The following DYNC2H1 variants were observed in gnomAD, a reference collection of about 807,000 sequenced individuals.
DYNC2H1 encodes cytoplasmic dynein 2 heavy chain 1.
Under a neutral mutation model 570.0 loss-of-function variants are expected in DYNC2H1, and 410 were observed. The observed-to-expected ratio is 0.72, with a 90% confidence interval of 0.66 to 0.78. The LOEUF (loss-of-function observed/expected upper bound fraction) is 0.78, where lower values mean the gene tolerates loss of function less well. Among genes scored for constraint, DYNC2H1 ranks in the 30% least tolerant of loss-of-function variants. The pLI is 0.00. For synonymous variants in DYNC2H1, 1,688 were observed against 1,677.6 expected (o/e 1.01, Z -0.15); for missense variants, 4,865 against 5,046.4 (o/e 0.96, Z 1.09).
chr11:103,447,546 AG>A (rs1944466509), intron 85 of DYNC2H1, among the ~76,000 whole-genome samples: 2 of 152,168 alleles, frequency 1.3e-5, no homozygotes, highest in African/African-American at 4.8e-5. Context: ...TTCAATTTAC[AG>A]ACTTGGAAGA....
chr11:103,141,009 G>C (rs551581423), intron 17 of DYNC2H1, among the ~76,000 whole-genome samples: 8 of 152,076 alleles, frequency 5.3e-5, no homozygotes, highest in African/African-American at 1.9e-4. Flanking sequence ...GGCTCCTGAG[G>C]CTTCTGCATT....
At chr11:103,382,156 C>A (rs1206228859) in intron 83 of DYNC2H1, among the ~76,000 whole-genome samples, 1 of 152,114 alleles carries the variant, frequency 6.6e-6, no homozygotes, top group Non-Finnish European at 1.5e-5. Flanking sequence ...GAATTACTGA[C>A]ATTCTAACCA....
intron 84 of DYNC2H1, among the ~76,000 whole-genome samples, chr11:103,434,893 A>T (rs889256719): frequency 6.6e-6 from 1 of 152,090 alleles, no homozygotes; most frequent in African/African-American, 2.4e-5. Flanking sequence ...AAAGGCAGGA[A>T]ATATAAGCAA....
At chr11:103,352,844 C>T (rs1940117105) in intron 82 of DYNC2H1, among the ~76,000 whole-genome samples, 1 of 152,112 alleles carries the variant, frequency 6.6e-6, no homozygotes, top group African/African-American at 2.4e-5. Flanking sequence ...AAGATACATG[C>T]ATGCATATAT....
chr11:103,406,415 A>C (rs1199246172), intron 84 of DYNC2H1: 1 of 152,026 alleles, frequency 6.6e-6, no homozygotes, highest in Non-Finnish European at 1.5e-5. Flanking sequence ...TAGCTATAAT[A>C]GTTGGGGTAA....
At chr11:103,414,782 A>G (rs886386342) in intron 84 of DYNC2H1, among the ~76,000 whole-genome samples, 11 of 152,246 alleles carry the variant, frequency 7.2e-5, no homozygotes, top group Non-Finnish European at 1.3e-4. Context: ...CCCATTCACA[A>G]TTGCTGCAAA....
chr11:103,434,739 T>G (rs1434181639), intron 84 of DYNC2H1, among the ~76,000 whole-genome samples: 3 of 152,130 alleles, frequency 2.0e-5, no homozygotes. Context: ...TAGAGAAAGC[T>G]TGTCTCCTTC....
At chr11:103,138,515 T>G (rs1018998597) in intron 17 of DYNC2H1, among the ~76,000 whole-genome samples, 5 of 152,212 alleles carry the variant, frequency 3.3e-5, no homozygotes, top group Non-Finnish European at 5.9e-5. Flanking sequence ...TGGATTACAT[T>G]TATTGATTTG....
At position 103,243,795 on chromosome 11, in the gene DYNC2H1, T is replaced by G. The variant is rs1200520640; in HGVS notation, c.9918+4T>G. The G allele has an allele frequency of 2.6e-6, 4 of 1,567,464 alleles. No individual in the cohort carries two copies. Among genetic ancestry groups the G allele is most frequent in the Admixed American group, 1.8e-5 (1 of 55,102 alleles). On this transcript the variant is annotated splice_donor_region_variant and intron_variant, in intron 64 of 88. Transcript: ENST00000375735. The surrounding 1 kb of genome is among the most constrained non-coding windows in gnomAD (Gnocchi z 4.8). ...TTTAGAAGTTATCAATCAGCAGGTA[T>G]GTATTATTTATAATTTACATACCAA...
chr11:103,384,234 T>C (rs958545930), intron 83 of DYNC2H1, among the ~76,000 whole-genome samples: 1 of 152,176 alleles, frequency 6.6e-6, no homozygotes, highest in Non-Finnish European at 1.5e-5. Context: ...CAGAATGTTA[T>C]CTCTTCTTGA....
Position 103,382,728 on chromosome 11 carries a change from CCTTTGAATTTAGTT to C in DYNC2H1, c.12157-16931_12157-16918del, listed in dbSNP as rs1410015081. 5.3e-5 allele frequency among the ~76,000 whole-genome samples: 8 copies of C among 152,310 alleles called. No homozygotes were observed. In the South Asian group the frequency reaches 1.7e-3, roughly 32 times the overall value. ...CTGTATGTCCCAGGTGAAAGATTTC[CCTTTGAATTTAGTT>C]CTTAGTAAAACTTTATCTATGCCTC... On this transcript the variant is annotated intron_variant, in intron 83 of 88. Coordinates refer to ENST00000375735, the MANE Select transcript of DYNC2H1 (RefSeq NM_001377.3).
Position 103,139,543 on chromosome 11 carries a change from C to G in DYNC2H1, c.2574+3595C>G, listed in dbSNP as rs940650825. On this transcript the variant is annotated intron_variant, in intron 17 of 88. Transcript: ENST00000375735. ...AGCGGTTTTGAGTGAGTTTCTTAAT[C>G]CTGAGTTCTAGTTTGATTGCACTGT... is the stretch of plus-strand genomic sequence containing the variant. Among the ~76,000 whole-genome samples, 3 of 151,622 alleles carry G rather than the reference C, an allele frequency of 2.0e-5. 1 individual carries two copies. Among genetic ancestry groups the G allele is most frequent in the African/African-American group, 7.3e-5 (3 of 41,326 alleles).
chr11:103,242,913 G>C (rs1864472398), intron 63 of DYNC2H1, among the ~76,000 whole-genome samples: 1 of 152,034 alleles, frequency 6.6e-6, no homozygotes, highest in African/African-American at 2.4e-5. Context: ...TAGAGACGGG[G>C]TTTCACCATG....
chr11:103,388,930 T>C lies in DYNC2H1; in HGVS notation c.12157-10733T>C, dbSNP rs1256505167. ...CAGTATTTTATTGAGGATTTTTGCA[T>C]TGATGTTCATCAGGGATATTGTCTA... On this transcript the variant is annotated intron_variant, in intron 83 of 88. Transcript: ENST00000375735. Among the ~76,000 whole-genome samples, 4 of 152,226 alleles carry C rather than the reference T, an allele frequency of 2.6e-5. No individual in the cohort carries two copies. The South Asian group carries it at 6.2e-4, about 24-fold the overall frequency.
chr11:103,282,028 A>T, intron 71 of DYNC2H1, 151 bp from the exon 72 acceptor site: 1 of 569,076 alleles, frequency 1.8e-6, no homozygotes, highest in Non-Finnish European at 3.0e-6. Flanking sequence ...TTCATTCTTG[A>T]TAATGTTAAC....
rs375512191 is a variant in DYNC2H1 at position 103,255,485 on chromosome 11, A to C, written c.10277A>C (p.Glu3426Ala). 46 of 1,566,584 alleles carry C rather than the reference A, an allele frequency of 2.9e-5. No homozygotes were observed. Among genetic ancestry groups the C allele is most frequent in the Non-Finnish European group, 3.9e-5 (45 of 1,154,514 alleles). The change falls in exon 67 of 89, where the codon GAA (glutamate) becomes GCA (alanine). Residue 3426 changes from glutamate (E) to alanine (A), a missense_variant. Physicochemically the swap from Glu to Ala is moderately radical, Grantham distance 107. Transcript: ENST00000375735. ...CAGAAAACAAAACTATTACAACAGG[A>C]AGAAGATAAGAAAATACAGCTAGCC... is the stretch of plus-strand genomic sequence containing the variant. ...EEQKTKLLQQ[E>A]EDKKIQLAKL... is the part of the protein sequence containing the mutation.
Position 103,334,890 on chromosome 11 carries a change from T to A in DYNC2H1, c.12039+10900T>A, listed in dbSNP as rs560443415. ...CAGAGAGAAGGGTATTTTCTAGTAATCTTCTCTGCAACTTTCAGCTGTAAA... is the reference window on the plus strand; with the variant it reads ...CAGAGAGAAGGGTATTTTCTAGTAAACTTCTCTGCAACTTTCAGCTGTAAA... On this transcript the variant is annotated intron_variant, in intron 82 of 88. Coordinates refer to ENST00000375735, the MANE Select transcript of DYNC2H1 (RefSeq NM_001377.3). The surrounding 1 kb of genome is among the most constrained non-coding windows in gnomAD (Gnocchi z 4.3). 1.6e-4 allele frequency among the ~76,000 whole-genome samples: 24 copies of A among 152,186 alleles called. 1 individual carries two copies. In the South Asian group the frequency reaches 4.8e-3, roughly 30 times the overall value.
intron 82 of DYNC2H1, among the ~76,000 whole-genome samples, chr11:103,352,111 A>T (rs1940083146): frequency 6.6e-6 from 1 of 152,098 alleles, no homozygotes. Context: ...ATTTTAAAAT[A>T]AAATTTTTCC....
chr11:103,177,897 T>G lies in DYNC2H1; in HGVS notation c.6139+77T>G. The G allele has an allele frequency of 6.9e-7, 1 of 1,442,632 alleles. No individual in the cohort carries two copies. Among genetic ancestry groups the G allele is most frequent in the Middle Eastern group, 1.8e-4 (1 of 5,714 alleles). The allele number at this position is 1,442,632 out of a possible 1,614,324, so 89.4% of individuals were successfully genotyped here. ...ATATAATTTGTCTATAATGCTGTCT[T>G]TGTCAAGACTTCTACATGACCATAA... is the stretch of plus-strand genomic sequence containing the variant. On this transcript the variant is annotated intron_variant, in intron 38 of 88. Transcript: ENST00000375735. The surrounding 1 kb of genome is among the most constrained non-coding windows in gnomAD (Gnocchi z 4.4).
Sources: allele counts gnomAD v4.1 joint callset (sites outside exome capture counted in the v4.1 genomes callset), GRCh38; gene constraint gnomAD v4.1.1; non-coding constraint Gnocchi (gnomAD v3.1); transcripts MANE v1.5; gene names NCBI Gene and HGNC (gene_info 2026-07-23, HGNC 2026-07-21).